CPLANE1: variants seen among roughly 807,000 people sequenced by gnomAD.
CPLANE1 encodes ciliogenesis and planar polarity effector 1.
Under a neutral mutation model 362.5 loss-of-function variants are expected in CPLANE1, and 263 were observed. That is an observed-to-expected ratio of 0.73 (90% CI 0.66 to 0.80). The LOEUF (loss-of-function observed/expected upper bound fraction) is 0.80. Among genes scored for constraint, CPLANE1 ranks in the 30% least tolerant of loss-of-function variants. The pLI, the probability that CPLANE1 is intolerant of heterozygous loss-of-function variation, is 0.00. For synonymous variants in CPLANE1, 1,212 were observed against 1,302.6 expected, an observed-to-expected ratio of 0.93 and a Z score of 1.50; for missense variants, 3,461 against 3,793.4, an observed-to-expected ratio of 0.91 and a Z score of 2.30.
intron 47 of CPLANE1, among the ~76,000 whole-genome samples, chr5:37,122,832 G>A (rs1763043696): frequency 6.6e-6 from 1 of 152,108 alleles, no homozygotes; most frequent in African/African-American, 2.4e-5. Flanking sequence ...AGTGAGCTGA[G>A]ATAGCGCCAC....
chr5:37,245,366 T>C (rs1488594985), intron 4 of CPLANE1, 113 bp downstream of exon 4: 1 of 263,432 alleles, frequency 3.8e-6, no homozygotes, highest in East Asian at 1.0e-4. Context: ...CACTCAGATA[T>C]ACATATGCAC....
At chr5:37,181,570 T>C (rs1183141689) in intron 26 of CPLANE1, among the ~76,000 whole-genome samples, 1 of 152,100 alleles carries the variant, frequency 6.6e-6, no homozygotes, top group African/African-American at 2.4e-5. Context: ...ATCCCAACAT[T>C]TTGAGAGGCC....
At chr5:37,136,752 G>A (rs977207237) in intron 46 of CPLANE1, among the ~76,000 whole-genome samples, 2 of 152,232 alleles carry the variant, frequency 1.3e-5, no homozygotes, top group African/African-American at 4.8e-5. Context: ...TCAACACCAC[G>A]TGGAGGCTGC....
At chr5:37,238,827 GAAA>G in intron 8 of CPLANE1, 27 bp downstream of exon 8, 1 of 1,306,596 alleles carries the variant, frequency 7.7e-7, no homozygotes, top group Non-Finnish European at 1.0e-6. Context: ...AAGAAAAAAA[GAAA>G]AAAAAGACAG....
rs1782262233 is a variant in CPLANE1, at chr5:37,180,146, C to T, written c.5608G>A (p.Glu1870Lys). The T allele has an allele frequency of 7.2e-6, 11 of 1,518,662 alleles. No individual in the cohort carries two copies. The highest frequency in any genetic ancestry group is 7.2e-5 in the East Asian group (3 of 41,648). 94.1% of individuals were successfully genotyped at this position (1,518,662 alleles called of 1,614,324 possible). A position where few individuals can be genotyped will look rare whatever the true frequency, so the allele number is the denominator to read the frequency against. ...PTEAKNPDIK[E>K]INDDIISITH... The stretch of plus-strand genomic sequence containing the variant: ...ATGGAAATAATATCATCATTGATTT[C>T]TTTTATATCAGGATTTTTTGCTTCA... Residue 1870 changes from glutamate to lysine, a missense_variant, in exon 28 of 53, where the codon GAA (glutamate) becomes AAA (lysine). Coordinates refer to ENST00000651892, the MANE Select transcript of CPLANE1 (RefSeq NM_001384732.1).
In CPLANE1 at chr5:37,142,409, T is replaced by C. The variant is rs561289580; in HGVS notation, c.8533A>G (p.Ile2845Val). Residue 2845 changes from isoleucine (I) to valine (V), a missense_variant, in exon 44 of 53, where the codon ATA becomes GTA. This residue lies in a region of CPLANE1 where 3,380 missense variants were observed against 3,666.1 expected (regional missense o/e 0.92). Coordinates refer to ENST00000651892, the MANE Select transcript of CPLANE1 (RefSeq NM_001384732.1). ...TTCTGACCAGAATAATTTTCTGTTA[T>C]TGAAAATTCAGGTTCTGAAGTCTCC... ...KKETSEPEFS[I>V]TENYSGQKTC... is the part of the protein sequence containing the mutation. The C allele has an allele frequency of 7.4e-6, 12 of 1,611,338 alleles. No homozygotes were observed. The East Asian group carries it at 2.2e-4, about 30-fold the overall frequency.
the CPLANE1 span, among the ~76,000 whole-genome samples, chr5:37,076,418 T>G: frequency 1.4e-4 from 21 of 152,248 alleles, 1 homozygote; most frequent in South Asian, 4.4e-3. Context: ...TTCAAGTGAT[T>G]CTCATGCCTT....
chr5:37,230,814 T>C (rs1797574777), intron 9 of CPLANE1, 53 bp downstream of exon 9: 2 of 1,285,384 alleles, frequency 1.6e-6, no homozygotes, highest in South Asian at 2.4e-5. Flanking sequence ...GTAAAAGTAA[T>C]ACAAAACAGA....
At chr5:37,145,140 C>A (rs1341158660) in intron 43 of CPLANE1, among the ~76,000 whole-genome samples, 1 of 152,060 alleles carries the variant, frequency 6.6e-6, no homozygotes, top group Non-Finnish European at 1.5e-5. Context: ...CCCATCTCTA[C>A]TAAAAATACA....
rs1427681487 is a variant in CPLANE1, at chr5:37,115,072, T to G, written c.9311-23A>C. ...TTCCTATACAGAGAGACAAACATTA[T>G]TAGCCTTCCATAGACATCCATGATT... is the stretch of plus-strand genomic sequence containing the variant. On this transcript the variant is annotated intron_variant, in intron 50 of 52. Coordinates refer to ENST00000651892, the MANE Select transcript of CPLANE1 (RefSeq NM_001384732.1). The G allele has an allele frequency of 3.5e-6, 5 of 1,418,058 alleles. No individual in the cohort carries two copies. The Admixed American group carries it at 8.6e-5, about 24-fold the overall frequency. 87.8% of individuals were successfully genotyped at this position (1,418,058 alleles called of 1,614,324 possible).
At position 37,186,273 on chromosome 5, in the gene CPLANE1, C is replaced by T. The variant is rs1783962930; in HGVS notation, c.4189+13G>A. The T allele has an allele frequency of 1.6e-6, 2 of 1,266,946 alleles. No individual in the cohort carries two copies. Among genetic ancestry groups the T allele is most frequent in the Non-Finnish European group, 2.3e-6 (2 of 879,832 alleles). 78.5% of individuals were successfully genotyped at this position (1,266,946 alleles called of 1,614,324 possible). A position where few individuals can be genotyped will look rare whatever the true frequency, so the allele number is the denominator to read the frequency against. ...ATTTATCTGTTAGCTATCTGAGAAA[C>T]AACAAATAATACCTTTCACAACACA... On this transcript the variant is annotated intron_variant, in intron 24 of 52. Transcript: ENST00000651892.
chr5:37,210,519 C>A (rs1792289376), intron 16 of CPLANE1: 4 of 1,380,960 alleles, frequency 2.9e-6, no homozygotes, highest in Non-Finnish European at 4.1e-6. Context: ...GCAAGAGGAG[C>A]TCATAGCTTT....
chr5:37,153,761 C>T lies in CPLANE1; in HGVS notation c.8352G>A (p.Met2784Ile), dbSNP rs781029281. 5 of 1,612,304 alleles carry T rather than the reference C, an allele frequency of 3.1e-6. No individual in the cohort carries two copies. Among genetic ancestry groups the T allele is most frequent in the Non-Finnish European group, 4.2e-6 (5 of 1,178,750 alleles). Reference protein sequence around the residue: ...NIEQDFPKPEMLDLHCDKIGP... With the variant: ...NIEQDFPKPEILDLHCDKIGP... ...CTACCTTATCACAATGTAGATCTAG[C>T]ATTTCAGGCTTGGGGAAATCCTGTT... The change falls in exon 42 of 53, where the codon ATG (methionine) becomes ATA (isoleucine). Residue 2784 changes from methionine to isoleucine, a missense_variant. Transcript: ENST00000651892.
At chr5:37,143,676 G>C (rs1236689875) in intron 43 of CPLANE1, among the ~76,000 whole-genome samples, 1 of 152,248 alleles carries the variant, frequency 6.6e-6, no homozygotes, top group Non-Finnish European at 1.5e-5. Flanking sequence ...GTTCACACCT[G>C]TAATCCCAGC....
intron 50 of CPLANE1, among the ~76,000 whole-genome samples, chr5:37,116,799 C>T (rs1239990908): frequency 1.3e-5 from 2 of 152,190 alleles, no homozygotes; most frequent in African/African-American, 4.8e-5. Flanking sequence ...CTCACCTCCC[C>T]ACATGTGCAA....
rs1469864615 is a variant in CPLANE1 at position 37,186,192 on chromosome 5, A to C, written c.4189+94T>G. 1.0e-5 allele frequency: 7 copies of C among 680,938 alleles called. No individual in the cohort carries two copies. In the East Asian group the frequency reaches 1.6e-4, roughly 15 times the overall value. 42.2% of individuals were successfully genotyped at this position (680,938 alleles called of 1,614,324 possible). On this transcript the variant is annotated intron_variant, in intron 24 of 52. Coordinates refer to ENST00000651892, the MANE Select transcript of CPLANE1 (RefSeq NM_001384732.1). ...TCTCAAGGAAGAGGCAAAAATGCAT[A>C]GACACATAAGCAACAGTAAATAAAT...
At chr5:37,200,322 A>G (rs1788773764) in intron 19 of CPLANE1, among the ~76,000 whole-genome samples, 1 of 152,238 alleles carries the variant, frequency 6.6e-6, no homozygotes, top group South Asian at 2.1e-4. Context: ...GCACTACTAA[A>G]GGCAGTAACC....
At chr5:37,125,084 G>C in intron 47 of CPLANE1, 160 bp downstream of exon 47, 1 of 1,372,652 alleles carries the variant, frequency 7.3e-7, no homozygotes, top group South Asian at 1.6e-5. Context: ...AACATTTTAA[G>C]ATAATTTATT....
At chr5:37,138,538 T>C in intron 46 of CPLANE1, 182 bp downstream of exon 46, 1 of 734,634 alleles carries the variant, frequency 1.4e-6, no homozygotes, top group Non-Finnish European at 2.5e-6. Context: ...GATACAGTTA[T>C]ATACTATATA....
Sources: gnomAD v4.1 joint callset for allele counts (sites outside exome capture counted in the v4.1 genomes callset) on GRCh38, gnomAD v4.1.1 for gene constraint, gnomAD v4.1.1 regional missense constraint, MANE v1.5 for transcripts, NCBI Gene and HGNC (gene_info 2026-07-23, HGNC 2026-07-21) for gene names.